Variants in DAB2IP observed in about 807,000 individuals in gnomAD.
DAB2IP encodes the protein DAB2 interacting protein, also known as disabled homolog 2-interacting protein.
In DAB2IP, 28 loss-of-function variants were observed where a neutral mutation model predicts 107.2. That is an observed-to-expected ratio of 0.26 (90% CI 0.19 to 0.36). DAB2IP has a LOEUF of 0.36. Among genes scored for constraint, DAB2IP ranks in the 10% least tolerant of loss-of-function variants. The pLI, the probability that DAB2IP is intolerant of heterozygous loss-of-function variation, is 1.00. For missense variants in DAB2IP, 1,400 were observed against 1,644.7 expected, an observed-to-expected ratio of 0.85 and a Z score of 2.57; for synonymous variants, 755 against 706.4, an observed-to-expected ratio of 1.07 and a Z score of -1.09.
chr9:121,630,533 A>ATTTT (rs1554716325), intron 1 of DAB2IP, among the ~76,000 whole-genome samples: 2 of 146,928 alleles, frequency 1.4e-5, no homozygotes, highest in African/African-American at 5.0e-5. Flanking sequence ...TCATAAAAAA[A>ATTTT]TTTTTTTTTT....
chr9:121,641,754 G>A (rs1768733), intron 1 of DAB2IP, among the ~76,000 whole-genome samples: 13,403 of 149,644 alleles, frequency 0.09, 1,933 homozygotes, highest in African/African-American at 0.31. Context: ...CTTGTTCCTG[G>A]TCCCACAGCC....
upstream of DAB2IP, among the ~76,000 whole-genome samples, chr9:121,647,682 T>G (rs1434509012): frequency 6.6e-6 from 1 of 152,024 alleles, no homozygotes; most frequent in Non-Finnish European, 1.5e-5. Flanking sequence ...AGGAGGGGGG[T>G]GTCTCTCCTT....
intron 3 of DAB2IP, among the ~76,000 whole-genome samples, chr9:121,755,764 G>A (rs1204624978): frequency 6.6e-6 from 1 of 152,188 alleles, no homozygotes; most frequent in Non-Finnish European, 1.5e-5. Context: ...CCGCTGACCC[G>A]GGGCAGTCGC....
intron 3 of DAB2IP, among the ~76,000 whole-genome samples, chr9:121,738,580 A>G (rs1832097516): frequency 6.6e-6 from 1 of 152,166 alleles, no homozygotes; most frequent in African/African-American, 2.4e-5. Flanking sequence ...TCAGGCCTGC[A>G]GTCATCCACC....
In DAB2IP at chr9:121,782,934, G is replaced by T; in HGVS notation, c.*436G>T. On this transcript the variant is annotated 3_prime_UTR_variant, in exon 16 of 16. Transcript: ENST00000408936. The surrounding 1 kb of genome is among the most constrained non-coding windows in gnomAD (Gnocchi z 6.1). Reference sequence around the variant, plus strand: ...CCTGTGGCTTCCCCTCGCCTCCTTGGGGGGCCCGGGACTCCCTGGCAGCCA... The same window carrying T: ...CCTGTGGCTTCCCCTCGCCTCCTTGTGGGGCCCGGGACTCCCTGGCAGCCA... 9.8e-7 allele frequency: 1 copy of T among 1,021,020 alleles called. No homozygotes were observed. The highest frequency in any genetic ancestry group is 4.1e-5 in the South Asian group (1 of 24,360). 63.2% of individuals were successfully genotyped at this position (1,021,020 alleles called of 1,614,324 possible). A position where few individuals can be genotyped will look rare whatever the true frequency, so the allele number is the denominator to read the frequency against.
intron 1 of DAB2IP, among the ~76,000 whole-genome samples, chr9:121,593,190 C>T (rs1830451342): frequency 6.6e-6 from 1 of 151,968 alleles, no homozygotes; most frequent in Non-Finnish European, 1.5e-5. Flanking sequence ...CTCAAGAGAT[C>T]ATCCTGCCTC....
intron 2 of DAB2IP, among the ~76,000 whole-genome samples, chr9:121,697,010 G>A (rs1278055094): frequency 2.6e-5 from 4 of 152,240 alleles, no homozygotes; most frequent in Non-Finnish European, 4.4e-5. Context: ...TAAGGTGAAA[G>A]AGTGAATATG....
chr9:121,755,228 CGGTGTGATGT>C (rs1357392836), intron 3 of DAB2IP, among the ~76,000 whole-genome samples: 11 of 151,710 alleles, frequency 7.3e-5, no homozygotes, highest in Non-Finnish European at 1.0e-4. Flanking sequence ...AGCGGTGTGG[CGGTGTGATGT>C]GGTGGTGTGG....
intron 1 of DAB2IP, among the ~76,000 whole-genome samples, chr9:121,610,495 G>T (rs1296437410): frequency 2.0e-5 from 3 of 152,146 alleles, no homozygotes; most frequent in Non-Finnish European, 4.4e-5. Context: ...AGCTGGGAAG[G>T]GCAGAGCCAG....
At chr9:121,685,218 AC>A (rs950130188) in intron 2 of DAB2IP, among the ~76,000 whole-genome samples, 1 of 152,234 alleles carries the variant, frequency 6.6e-6, no homozygotes, top group African/African-American at 2.4e-5. Context: ...CCCAAAAGGA[AC>A]ATTACCGTCA....
In DAB2IP at chr9:121,776,515, G is replaced by C. The variant is rs1293135656; in HGVS notation, c.3314+124G>C. On this transcript the variant is annotated intron_variant, in intron 14 of 15. Transcript: ENST00000408936. This position sits in a 1 kb window ranked among gnomAD's most constrained non-coding sequence, Gnocchi z 5.4. ...AGCTGAATGTGGAGAGAGGAGGGAAGAGAGTGTCTGGGCAGTGGGAGCAGC... is the reference window on the plus strand; with the variant it reads ...AGCTGAATGTGGAGAGAGGAGGGAACAGAGTGTCTGGGCAGTGGGAGCAGC... 29 of 1,130,140 alleles carry C rather than the reference G, an allele frequency of 2.6e-5. No individual in the cohort carries two copies. The highest frequency in any genetic ancestry group is 3.5e-5 in the Non-Finnish European group (29 of 817,188). The allele number at this position is 1,130,140 out of a possible 1,614,324, so 70.0% of individuals were successfully genotyped here.
At chr9:121,597,386 C>T (rs953723034) in intron 1 of DAB2IP, among the ~76,000 whole-genome samples, 3 of 152,172 alleles carry the variant, frequency 2.0e-5, no homozygotes, top group Non-Finnish European at 4.4e-5. Flanking sequence ...TCCCACTGAC[C>T]TGCAGGGCCA....
At chr9:121,649,220 C>G (rs1832650857), upstream of DAB2IP, among the ~76,000 whole-genome samples, 1 of 145,046 alleles carries the variant, frequency 6.9e-6, no homozygotes, top group African/African-American at 2.4e-5. Context: ...ATTTCACTAG[C>G]TGACCCTCCT....
chr9:121,619,310 C>CTAATTTTTG (rs1387675307), intron 1 of DAB2IP, among the ~76,000 whole-genome samples: 1 of 152,254 alleles, frequency 6.6e-6, no homozygotes, highest in Non-Finnish European at 1.5e-5. Context: ...CCACATCCCG[C>CTAATTTTTG]TAATTTTTGT....
At chr9:121,749,168 C>T (rs1832926239) in intron 3 of DAB2IP, among the ~76,000 whole-genome samples, 1 of 152,212 alleles carries the variant, frequency 6.6e-6, no homozygotes, top group African/African-American at 2.4e-5. Flanking sequence ...CAGGAGTGAG[C>T]ACTGGCCTTC....
chr9:121,646,669 G>C (rs1442974000), upstream of DAB2IP, among the ~76,000 whole-genome samples: 1 of 152,102 alleles, frequency 6.6e-6, no homozygotes, highest in Non-Finnish European at 1.5e-5. Context: ...GAGCCTTCCA[G>C]ACACCCATTG....
At chr9:121,572,395 GATGAATGAATGA>G (rs141995347) in intron 1 of DAB2IP, among the ~76,000 whole-genome samples, 1 of 151,462 alleles carries the variant, frequency 6.6e-6, no homozygotes, top group East Asian at 1.9e-4. Context: ...ATACTCAGTG[GATGAATGAATGA>G]ATGAATGAAT....
chr9:121,752,371 T>TGTTG lies in DAB2IP; in HGVS notation c.363-4640_363-4637dup, dbSNP rs1313835660. Among the ~76,000 whole-genome samples the TGTTG allele has an allele frequency of 1.3e-5, 2 of 151,986 alleles. 1 individual carries two copies. Among genetic ancestry groups the TGTTG allele is most frequent in the African/African-American group, 4.8e-5 (2 of 41,280 alleles). ...GCTTAGCTGACCTTGGCTGCTGGTG[T>TGTTG]GTTGGGGTTTTGGTCCAGGAACTCT... On this transcript the variant is annotated intron_variant, in intron 3 of 15. Transcript: ENST00000408936.
intron 3 of DAB2IP, among the ~76,000 whole-genome samples, chr9:121,708,144 G>T (rs1830152861): frequency 6.6e-6 from 1 of 152,218 alleles, no homozygotes; most frequent in Admixed American, 6.5e-5. Flanking sequence ...TGCCCCAGCT[G>T]TGTGCTAGTG....
Sources: allele counts gnomAD v4.1 joint callset (sites outside exome capture counted in the v4.1 genomes callset), GRCh38; gene constraint gnomAD v4.1.1; non-coding constraint Gnocchi (gnomAD v3.1); transcripts MANE v1.5; gene names NCBI Gene and HGNC (gene_info 2026-07-23, HGNC 2026-07-21).